MAFF: variants seen among roughly 807,000 people sequenced by gnomAD.
MAFF encodes the protein MAF bZIP transcription factor F.
Under a neutral mutation model 2.7 loss-of-function variants are expected in MAFF, and 4 were observed. The ratio of observed to expected loss-of-function variants is 1.48; its 90% CI spans 0.73 to 3.39. MAFF has a LOEUF of 3.39. Among genes scored for constraint, MAFF ranks in the 30% most tolerant of loss-of-function variants. The pLI is 0.01. For missense variants in MAFF, 190 were observed against 246.6 expected (o/e 0.77, Z 1.54); for synonymous variants, 113 against 119.4 (o/e 0.95, Z 0.35).
chr22:38,206,792 G>A (rs1442019500), intron 1 of MAFF, among the ~76,000 whole-genome samples: 3 of 152,166 alleles, frequency 2.0e-5, no homozygotes, highest in African/African-American at 7.2e-5. Flanking sequence ...AACACCCAAA[G>A]GGCAGTTGAT....
intron 1 of MAFF, among the ~76,000 whole-genome samples, chr22:38,207,680 CT>C (rs2091064091): frequency 6.6e-6 from 1 of 151,446 alleles, no homozygotes; most frequent in African/African-American, 2.4e-5. Flanking sequence ...TCACTGCCGC[CT>C]TGAATTCCTG....
In MAFF at chr22:38,213,865, TC is replaced by T; in HGVS notation, c.16del (p.Leu6TyrfsTer6). 1.2e-6 allele frequency: 2 copies of T among 1,614,192 alleles called. No individual in the cohort carries two copies. The highest frequency in any genetic ancestry group is 1.7e-6 in the Non-Finnish European group (2 of 1,180,012). On this transcript the variant is annotated frameshift_variant, in exon 2 of 3. Coordinates refer to ENST00000338483, the MANE Select transcript of MAFF (RefSeq NM_012323.4). LOFTEE classifies it high-confidence loss of function. The stretch of plus-strand genomic sequence containing the variant: ...CACCTTCTGCAAACATGTCTGTGGA[TC>T]CCCTATCCAGCAAAGCTCTAAAGGT... MSVD[P>X]LSSKALKIKR...
chr22:38,210,009 GC>G (rs1457851170), intron 1 of MAFF, among the ~76,000 whole-genome samples: 1 of 152,090 alleles, frequency 6.6e-6, no homozygotes, highest in Admixed American at 6.5e-5. Context: ...CAGGGCCTGA[GC>G]CCCCTAGGAT....
chr22:38,204,694 C>T (rs1490559339), intron 1 of MAFF, among the ~76,000 whole-genome samples: 1 of 152,236 alleles, frequency 6.6e-6, no homozygotes, highest in African/African-American at 2.4e-5. Context: ...CAGGCATGCA[C>T]TGCCCGCTTG....
intron 1 of MAFF, among the ~76,000 whole-genome samples, chr22:38,208,977 C>T (rs1262946626): frequency 6.7e-6 from 1 of 150,364 alleles, no homozygotes; most frequent in African/African-American, 2.4e-5. Context: ...GCTGGACACA[C>T]AGGGCCTGGG....
At chr22:38,208,899 G>A (rs1045825216) in intron 1 of MAFF, among the ~76,000 whole-genome samples, 10 of 151,928 alleles carry the variant, frequency 6.6e-5, no homozygotes, top group African/African-American at 2.4e-4. Context: ...CGGGTGGGAG[G>A]AAGTGAAAGA....
Position 38,215,121 on chromosome 22 carries a change from T to C in MAFF, c.*243T>C. 2.2e-6 allele frequency: 1 copy of C among 457,352 alleles called. No individual in the cohort carries two copies. 28.3% of individuals were successfully genotyped at this position (457,352 alleles called of 1,614,324 possible). A position where few individuals can be genotyped will look rare whatever the true frequency, so the allele number is the denominator to read the frequency against. ...AGAGGTCTGGATCTGGGATCGCCCTTGGCTGAAAGTTTAGCCTTTTTAGAT... is the reference window on the plus strand; with the variant it reads ...AGAGGTCTGGATCTGGGATCGCCCTCGGCTGAAAGTTTAGCCTTTTTAGAT... On this transcript the variant is annotated 3_prime_UTR_variant, in exon 3 of 3. Transcript: ENST00000338483.
Position 38,202,471 on chromosome 22 carries a change from G to A in MAFF, c.-32+259G>A, listed in dbSNP as rs905621227. 6.6e-6 allele frequency: 1 copy of A among 151,834 alleles called. No individual in the cohort carries two copies. The highest frequency in any genetic ancestry group is 3.2e-3 in the Middle Eastern group (1 of 314). 9.4% of individuals were successfully genotyped at this position (151,834 alleles called of 1,614,324 possible). Reference sequence around the variant, plus strand: ...GCGGGCGGGTAGGCGGCGGCGCCGGGAGGAAGGGGCAGCGCAGGCCGGCGA... The same window carrying A: ...GCGGGCGGGTAGGCGGCGGCGCCGGAAGGAAGGGGCAGCGCAGGCCGGCGA... On this transcript the variant is annotated intron_variant, in intron 1 of 2. Coordinates refer to ENST00000338483, the MANE Select transcript of MAFF (RefSeq NM_012323.4). The surrounding 1 kb of genome is among the most constrained non-coding windows in gnomAD (Gnocchi z 7.4).
Position 38,207,327 on chromosome 22 carries a change from T to C in MAFF, c.-32+5115T>C, listed in dbSNP as rs934864826. On this transcript the variant is annotated intron_variant, in intron 1 of 2. Transcript: ENST00000338483. ...TAGTACAGACAGGGTTTCACTGTGT[T>C]AGCCATGATGGTCTCAGTCTCCTGA... is the stretch of plus-strand genomic sequence containing the variant. 2.0e-5 allele frequency among the ~76,000 whole-genome samples: 3 copies of C among 151,624 alleles called. No homozygotes were observed. The South Asian group carries it at 6.3e-4, about 32-fold the overall frequency.
Position 38,214,789 on chromosome 22 carries a change from G to C in MAFF, c.406G>C (p.Val136Leu). Residue 136 changes from valine (V) to leucine (L), a missense_variant, in exon 3 of 3, where the codon GTC becomes CTC. Val to Leu is a conservative substitution (Grantham distance 32). Around this residue, in one of 2 missense-constraint regions of MAFF, gnomAD observed 103 missense variants for 103.0 expected, o/e 1.00. Transcript: ENST00000338483. This position sits in a 1 kb window ranked among gnomAD's most constrained non-coding sequence, Gnocchi z 6.3. Reference sequence around the variant, plus strand: ...CGCCACGCTCGTGGCGCCGGCCAGCGTCATCACCATCGTCAAGTCCACCCC... The same window carrying C: ...CGCCACGCTCGTGGCGCCGGCCAGCCTCATCACCATCGTCAAGTCCACCCC... ...GPATLVAPAS[V>L]ITIVKSTPGS... 1 of 1,472,594 alleles carries C rather than the reference G, an allele frequency of 6.8e-7. No homozygotes were observed. Among genetic ancestry groups the C allele is most frequent in the Non-Finnish European group, 8.9e-7 (1 of 1,117,856 alleles). 91.2% of individuals were successfully genotyped at this position (1,472,594 alleles called of 1,614,324 possible). A position where few individuals can be genotyped will look rare whatever the true frequency, so the allele number is the denominator to read the frequency against.
chr22:38,209,304 A>C (rs1322391372), intron 1 of MAFF, among the ~76,000 whole-genome samples: 2 of 151,666 alleles, frequency 1.3e-5, no homozygotes, highest in Non-Finnish European at 2.9e-5. Flanking sequence ...TTACCTTGTG[A>C]TCCGCCCGCC....
chr22:38,202,314 C>T lies in MAFF; in HGVS notation c.-32+102C>T, dbSNP rs1236463761. On this transcript the variant is annotated intron_variant, in intron 1 of 2. Transcript: ENST00000338483. This position sits in a 1 kb window ranked among gnomAD's most constrained non-coding sequence, Gnocchi z 7.4. ...GGGTGGGCGCCCGGGCCCGATCCGT[C>T]GGGGCTCCCGGAGCTCCATCGCCCG... 6.6e-6 allele frequency: 1 copy of T among 152,066 alleles called. No individual in the cohort carries two copies. The highest frequency in any genetic ancestry group is 2.4e-5 in the African/African-American group (1 of 41,430). The allele number at this position is 152,066 out of a possible 1,614,324, so 9.4% of individuals were successfully genotyped here.
intron 1 of MAFF, among the ~76,000 whole-genome samples, chr22:38,207,659 G>A (rs1371422707): frequency 2.6e-5 from 4 of 151,126 alleles, no homozygotes; most frequent in South Asian, 4.2e-4. Context: ...GTGCAGTGGC[G>A]GGATCACAGC....
chr22:38,203,780 C>T (rs1456751571), intron 1 of MAFF: 2 of 152,280 alleles, frequency 1.3e-5, no homozygotes, highest in African/African-American at 2.4e-5. Flanking sequence ...GTATTCCCAT[C>T]TACCACTGGG....
rs541856042 is a variant in MAFF, at chr22:38,204,346, C to T, written c.-32+2134C>T. 2.0e-5 allele frequency among the ~76,000 whole-genome samples: 3 copies of T among 152,296 alleles called. No individual in the cohort carries two copies. In the South Asian group the frequency reaches 6.2e-4, roughly 32 times the overall value. On this transcript the variant is annotated intron_variant, in intron 1 of 2. Transcript: ENST00000338483. The stretch of plus-strand genomic sequence containing the variant: ...TAACAGCGCTCTGACTTAGCCAGGG[C>T]AATCAAGGAAGGCTTCCCTGGGGAG...
intron 1 of MAFF, among the ~76,000 whole-genome samples, chr22:38,211,567 A>C (rs2091101967): frequency 6.6e-6 from 1 of 152,136 alleles, no homozygotes; most frequent in African/African-American, 2.4e-5. Flanking sequence ...CCATGGTGAC[A>C]ACTCTGGCTT....
chr22:38,213,476 G>A (rs796602680), intron 1 of MAFF: 72 of 357,296 alleles, frequency 2.0e-4, no homozygotes, highest in African/African-American at 1.5e-3. Flanking sequence ...ATGCAGAAGA[G>A]GTGACTGTTA....
chr22:38,206,005 G>A (rs2091048568), intron 1 of MAFF, among the ~76,000 whole-genome samples: 1 of 152,166 alleles, frequency 6.6e-6, no homozygotes. Context: ...CGGTTGAGGG[G>A]GCTGAGGCTC....
rs2091124273 is a variant in MAFF at position 38,214,193 on chromosome 22, G to A, written c.37-227G>A. ...CCTGGGTTTCTCTGGCTGAGTCCAG[G>A]GCTTGGCGCTAGGTTAGAATTCAGG... On this transcript the variant is annotated intron_variant, in intron 2 of 2. Coordinates refer to ENST00000338483, the MANE Select transcript of MAFF (RefSeq NM_012323.4). This position sits in a 1 kb window ranked among gnomAD's most constrained non-coding sequence, Gnocchi z 6.3. Among the ~76,000 whole-genome samples the A allele has an allele frequency of 6.6e-6, 1 of 152,236 alleles. No homozygotes were observed. The highest frequency in any genetic ancestry group is 2.1e-4 in the South Asian group (1 of 4,838).
Sources: allele counts gnomAD v4.1 joint callset (sites outside exome capture counted in the v4.1 genomes callset), GRCh38; gene constraint gnomAD v4.1.1; regional missense constraint gnomAD v4.1.1; non-coding constraint Gnocchi (gnomAD v3.1); transcripts MANE v1.5; gene names NCBI Gene and HGNC (gene_info 2026-07-23, HGNC 2026-07-21).